The following PCLO variants were observed in gnomAD, a reference collection of about 807,000 sequenced individuals.
PCLO encodes the protein protein piccolo.
Under a neutral mutation model 427.5 loss-of-function variants are expected in PCLO, and 82 were observed. The ratio of observed to expected loss-of-function variants is 0.19; its 90% CI spans 0.16 to 0.23. PCLO has a LOEUF of 0.23. Ranked by LOEUF, PCLO falls within the 10% of genes least tolerant of loss-of-function variation. The pLI is 1.00. For missense variants in PCLO, 6,239 were observed against 6,115.9 expected, an observed-to-expected ratio of 1.02 and a Z score of -0.67; for synonymous variants, 2,357 against 2,155.4, an observed-to-expected ratio of 1.09 and a Z score of -2.59.
intron 3 of PCLO, among the ~76,000 whole-genome samples, chr7:83,121,247 G>A (rs1481040639): frequency 1.3e-5 from 2 of 152,108 alleles, no homozygotes; most frequent in African/African-American, 4.8e-5. Flanking sequence ...GAGGCACAGA[G>A]TTTTTATTAG....
chr7:82,986,463 G>A (rs2115810442), intron 3 of PCLO, among the ~76,000 whole-genome samples: 1 of 151,826 alleles, frequency 6.6e-6, no homozygotes, highest in South Asian at 2.1e-4. Flanking sequence ...AGAATTAAGG[G>A]GGTTCACTGA....
intron 3 of PCLO, among the ~76,000 whole-genome samples, chr7:83,091,318 A>G (rs1790372779): frequency 6.6e-6 from 1 of 152,176 alleles, no homozygotes; most frequent in Non-Finnish European, 1.5e-5. Context: ...AGTATATCAA[A>G]GGACTGATGA....
At chr7:83,054,997 C>T (rs1789343193) in intron 3 of PCLO, among the ~76,000 whole-genome samples, 1 of 151,954 alleles carries the variant, frequency 6.6e-6, no homozygotes, top group South Asian at 2.1e-4. Flanking sequence ...GCTGAAATGC[C>T]TAAATTAGAG....
intron 20 of PCLO, among the ~76,000 whole-genome samples, chr7:82,818,297 C>A (rs1278985672): frequency 2.0e-5 from 3 of 152,152 alleles, no homozygotes; most frequent in African/African-American, 7.2e-5. Flanking sequence ...AAGCAGAAAT[C>A]TGCTGAGAAG....
rs767236822 is a variant in PCLO, at chr7:82,953,040, G to A, written c.7913C>T (p.Thr2638Ile). 1 of 1,613,946 alleles carries A rather than the reference G, an allele frequency of 6.2e-7. No individual in the cohort carries two copies. Among genetic ancestry groups the A allele is most frequent in the Non-Finnish European group, 8.5e-7 (1 of 1,179,852 alleles). The change falls in exon 5 of 25, where the codon ACC (threonine) becomes ATC (isoleucine). Residue 2638 changes from threonine to isoleucine, a missense_variant. By Grantham distance (89) the Thr-to-Ile change is moderately conservative (BLOSUM62 -1). Transcript: ENST00000333891. ...AVEIPISSEQ[T>I]FYISGALQTF... ...CTGTAAAGCTCCAGAGATGTAGAAG[G>A]TCTGTTCTGAAGAAATTGGAATTTC...
At chr7:83,125,153 T>C (rs1229235390) in intron 3 of PCLO, among the ~76,000 whole-genome samples, 1 of 152,254 alleles carries the variant, frequency 6.6e-6, no homozygotes, top group Non-Finnish European at 1.5e-5. Context: ...GTGCTGAGAT[T>C]GCAGCCTCTG....
chr7:82,806,301 G>A (rs1328815894), intron 20 of PCLO, among the ~76,000 whole-genome samples: 1 of 152,048 alleles, frequency 6.6e-6, no homozygotes. Flanking sequence ...AAACAAAAAT[G>A]CAAAATAGAA....
intron 9 of PCLO, among the ~76,000 whole-genome samples, chr7:82,883,449 C>G (rs1793556934): frequency 1.3e-5 from 2 of 151,980 alleles, no homozygotes; most frequent in African/African-American, 4.8e-5. Context: ...TTTGTCCTAT[C>G]AAATGAAACA....
intron 6 of PCLO, among the ~76,000 whole-genome samples, chr7:82,946,561 G>T (rs1795208575): frequency 6.6e-6 from 1 of 152,134 alleles, no homozygotes; most frequent in South Asian, 2.1e-4. Flanking sequence ...AAATCTGTAT[G>T]TAGGAGTCAG....
At position 83,162,853 on chromosome 7, in the gene PCLO, C is replaced by A. The variant is rs1792485199; in HGVS notation, c.-261G>T. The A allele has an allele frequency of 9.7e-6, 5 of 514,006 alleles. No homozygotes were observed. Among genetic ancestry groups the A allele is most frequent in the Non-Finnish European group, 1.7e-5 (5 of 295,308 alleles). 31.8% of individuals were successfully genotyped at this position (514,006 alleles called of 1,614,324 possible). A position where few individuals can be genotyped will look rare whatever the true frequency, so the allele number is the denominator to read the frequency against. ...GCAGAAGACACCTCCCGGACGCCGC[C>A]TCGGCGCCCCGAGCCGGGGAGAAGC... On this transcript the variant is annotated 5_prime_UTR_variant, in exon 1 of 25. It adds an upstream start codon to the 5' untranslated region. Coordinates refer to ENST00000333891, the MANE Select transcript of PCLO (RefSeq NM_033026.6).
chr7:82,820,738 C>T, intron 20 of PCLO: 1 of 1,231,370 alleles, frequency 8.1e-7, no homozygotes, highest in Admixed American at 4.2e-5. Context: ...ATCCACATTC[C>T]AACTGGTAGG....
chr7:82,816,937 A>G (rs764816739), intron 20 of PCLO, among the ~76,000 whole-genome samples: 10 of 152,200 alleles, frequency 6.6e-5, no homozygotes, highest in South Asian at 2.1e-4. Flanking sequence ...TCAGAGTTCT[A>G]CATTTACTGT....
Position 82,950,342 on chromosome 7 carries a change from C to T in PCLO, c.10246G>A (p.Gly3416Arg), listed in dbSNP as rs1156441095. ...EEKQPKKRSS[G>R]AKVRGQYDDM... Reference sequence around the variant, plus strand: ...TCATACTGTCCTCGGACTTTAGCTCCAGAACTTCTCTTTTTGGGTTGTTTT... The same window carrying T: ...TCATACTGTCCTCGGACTTTAGCTCTAGAACTTCTCTTTTTGGGTTGTTTT... Residue 3416 changes from glycine to arginine, a missense_variant, in exon 6 of 25, where the codon GGA becomes AGA. Physicochemically the swap from Gly to Arg is moderately radical, Grantham distance 125 (BLOSUM62 -2). Around this residue, in one of 5 missense-constraint regions of PCLO, gnomAD observed 4,677 missense variants for 4,468.4 expected, o/e 1.05. Transcript: ENST00000333891. The T allele has an allele frequency of 6.2e-7, 1 of 1,613,644 alleles. No homozygotes were observed. The highest frequency in any genetic ancestry group is 8.5e-7 in the Non-Finnish European group (1 of 1,179,846).
intron 4 of PCLO, among the ~76,000 whole-genome samples, chr7:82,959,741 T>C (rs563817899): frequency 2.0e-5 from 3 of 152,264 alleles, no homozygotes; most frequent in African/African-American, 7.2e-5. Flanking sequence ...CCCTCCACAC[T>C]CCTCACAGGA....
At chr7:83,094,825 A>G (rs1165936939) in intron 3 of PCLO, among the ~76,000 whole-genome samples, 1 of 152,176 alleles carries the variant, frequency 6.6e-6, no homozygotes, top group Non-Finnish European at 1.5e-5. Flanking sequence ...ACTGTCTTCT[A>G]GAGAGTATAA....
chr7:83,100,100 CTG>C (rs1790699534), intron 3 of PCLO, among the ~76,000 whole-genome samples: 1 of 152,106 alleles, frequency 6.6e-6, no homozygotes, highest in Admixed American at 6.5e-5. Flanking sequence ...TATCCAAAAA[CTG>C]TGTCAACAAT....
chr7:83,147,345 A>C (rs2116658390), intron 2 of PCLO, among the ~76,000 whole-genome samples: 1 of 152,342 alleles, frequency 6.6e-6, no homozygotes, highest in South Asian at 2.1e-4. Flanking sequence ...ATTTTGTTAT[A>C]ATTAGGATAT....
At chr7:83,107,796 C>T (rs1253462878) in intron 3 of PCLO, among the ~76,000 whole-genome samples, 1 of 151,022 alleles carries the variant, frequency 6.6e-6, no homozygotes, top group African/African-American at 2.4e-5. Context: ...CAAGACCATC[C>T]TGGCCAACAT....
At chr7:82,960,837 C>G (rs1414547753) in intron 4 of PCLO, among the ~76,000 whole-genome samples, 3 of 151,942 alleles carry the variant, frequency 2.0e-5, no homozygotes, top group Admixed American at 6.6e-5. Flanking sequence ...AAATATTATA[C>G]CAAGTGTTTG....
Sources: allele counts gnomAD v4.1 joint callset (sites outside exome capture counted in the v4.1 genomes callset), GRCh38; gene constraint gnomAD v4.1.1; regional missense constraint gnomAD v4.1.1; transcripts MANE v1.5; gene names NCBI Gene and HGNC (gene_info 2026-07-23, HGNC 2026-07-21).